GUCY2F: variants seen among roughly 807,000 people sequenced by gnomAD.
GUCY2F encodes guanylate cyclase 2F, retinal.
Under a neutral mutation model 73.1 loss-of-function variants are expected in GUCY2F, and 61 were observed. The observed-to-expected ratio is 0.83, with a 90% CI of 0.68 to 1.03. The LOEUF is 1.03. Among genes scored for constraint, GUCY2F ranks in the 50% least tolerant of loss-of-function variants. The probability of loss-of-function intolerance (pLI) is 0.00; values close to 1 mark genes in which losing one functional copy is unlikely to be tolerated. For missense variants in GUCY2F, 912 were observed against 854.3 expected (o/e 1.07, Z -0.84); for synonymous variants, 331 against 307.8 (o/e 1.08, Z -0.79).
chrX:109,387,071 T>C (rs1194105663), intron 15 of GUCY2F, among the ~76,000 whole-genome samples: 1 of 111,787 alleles, frequency 8.9e-6, no homozygotes, highest in Non-Finnish European at 1.9e-5. Flanking sequence ...AAACACAGAT[T>C]ATGCTGATGA....
chrX:109,417,740 C>T (rs1931278956), intron 8 of GUCY2F, among the ~76,000 whole-genome samples: 2 of 110,222 alleles, frequency 1.8e-5, no homozygotes, highest in African/African-American at 6.6e-5. Flanking sequence ...ATGCCTGCTC[C>T]CTAAATAAGA....
chrX:109,389,424 AG>A (rs1930509586), intron 14 of GUCY2F, among the ~76,000 whole-genome samples: 1 of 112,485 alleles, frequency 8.9e-6, no homozygotes, highest in Non-Finnish European at 1.9e-5. Flanking sequence ...TGCGCCAGTC[AG>A]ACTGTGTTAC....
chrX:109,374,790 G>GGGT (rs1263310141), intron 19 of GUCY2F, among the ~76,000 whole-genome samples: 3 of 112,026 alleles, frequency 2.7e-5, no homozygotes, highest in African/African-American at 9.7e-5. Context: ...GTGAGTCAGA[G>GGGT]GGTGATTCAG....
intron 6 of GUCY2F, 67 bp downstream of exon 6, chrX:109,448,002 G>A: frequency 1.8e-6 from 1 of 571,366 alleles, no homozygotes; most frequent in Admixed American, 2.4e-5. Flanking sequence ...GTCAAGTGCT[G>A]AGTAATTATT....
At chrX:109,474,571 T>C (rs1305703503) in intron 2 of GUCY2F, among the ~76,000 whole-genome samples, 3 of 111,982 alleles carry the variant, frequency 2.7e-5, no homozygotes, top group Admixed American at 1.9e-4. Context: ...AAGCTTCCAT[T>C]GGAAGGGGAA....
At chrX:109,417,960 A>G (rs1931283649) in intron 8 of GUCY2F, among the ~76,000 whole-genome samples, 1 of 99,592 alleles carries the variant, frequency 1.0e-5, no homozygotes, top group Non-Finnish European at 1.9e-5. Context: ...GTGCTGGATC[A>G]TAAGAAGAAT....
chrX:109,442,048 C>A (rs1020797317), intron 6 of GUCY2F, among the ~76,000 whole-genome samples: 6 of 111,095 alleles, frequency 5.4e-5, no homozygotes, highest in Non-Finnish European at 1.1e-4. Context: ...AGAGAGTGAG[C>A]AGATCACATG....
At position 109,395,410 on chromosome X, in the gene GUCY2F, G is replaced by A. The variant is rs1569357447; in HGVS notation, c.2355C>T (p.Leu785=). The part of the protein sequence containing the change: ...VPPEHAPPEC[L]QLMKQCWAEA... Reference sequence around the variant, plus strand: ...CAGCCCAGCACTGCTTCATCAGCTGGAGACATTCTGGAGGGGCATGCTCAG... The same window carrying A: ...CAGCCCAGCACTGCTTCATCAGCTGAAGACATTCTGGAGGGGCATGCTCAG... The change falls in exon 12 of 20, where the codon CTC becomes CTT. Residue 785 remains leucine (L), a synonymous_variant. Transcript: ENST00000218006. The A allele has an allele frequency of 8.3e-7, 1 of 1,200,105 alleles. No homozygotes were observed. Among genetic ancestry groups the A allele is most frequent in the Admixed American group, 2.2e-5 (1 of 46,042 alleles).
chrX:109,385,383 T>A, intron 15 of GUCY2F, 101 bp from the exon 16 acceptor site: 1 of 447,341 alleles, frequency 2.2e-6, no homozygotes, highest in Non-Finnish European at 3.9e-6. Flanking sequence ...TGTAAAAGAA[T>A]AAAAGTTGCC....
At chrX:109,447,507 C>T (rs1391267286) in intron 6 of GUCY2F, among the ~76,000 whole-genome samples, 1 of 108,750 alleles carries the variant, frequency 9.2e-6, no homozygotes, top group Non-Finnish European at 1.9e-5. Flanking sequence ...CCATCATTCT[C>T]GGCAAACTAT....
intron 8 of GUCY2F, among the ~76,000 whole-genome samples, chrX:109,424,410 TA>T (rs1302983114): frequency 1.8e-5 from 2 of 111,486 alleles, no homozygotes; most frequent in Admixed American, 9.5e-5. Context: ...TGCCAGGGGT[TA>T]GGGGGAGAGA....
chrX:109,403,956 T>C (rs1291825513), intron 10 of GUCY2F, among the ~76,000 whole-genome samples: 1 of 112,079 alleles, frequency 8.9e-6, no homozygotes, highest in Non-Finnish European at 1.9e-5. Context: ...GACGTCCCAT[T>C]CTAAAATGTA....
intron 3 of GUCY2F, among the ~76,000 whole-genome samples, chrX:109,461,851 T>C (rs1447432526): frequency 2.7e-5 from 3 of 112,482 alleles, no homozygotes; most frequent in Non-Finnish European, 5.6e-5. Flanking sequence ...TTCAACATAT[T>C]GCCTAGCACA....
At chrX:109,460,765 G>A (rs1451475617) in intron 3 of GUCY2F, among the ~76,000 whole-genome samples, 1 of 111,151 alleles carries the variant, frequency 9.0e-6, no homozygotes, top group African/African-American at 3.3e-5. Flanking sequence ...GCAGCCTTAG[G>A]GAGCAAAATG....
At chrX:109,471,786 C>G (rs761533046) in intron 2 of GUCY2F, among the ~76,000 whole-genome samples, 1 of 112,199 alleles carries the variant, frequency 8.9e-6, no homozygotes, top group East Asian at 2.8e-4. Context: ...CACATATGTA[C>G]TTATTACTGT....
intron 19 of GUCY2F, among the ~76,000 whole-genome samples, chrX:109,375,331 G>A (rs937401000): frequency 5.4e-5 from 6 of 111,578 alleles, no homozygotes; most frequent in Admixed American, 1.9e-4. Flanking sequence ...TCCTAGTAGG[G>A]GAGGAAGGAT....
At chrX:109,394,610 T>C (rs1285455900) in intron 12 of GUCY2F, among the ~76,000 whole-genome samples, 1 of 112,130 alleles carries the variant, frequency 8.9e-6, no homozygotes, top group Non-Finnish European at 1.9e-5. Context: ...AGTTTTGGTG[T>C]CCTGTAATTT....
chrX:109,397,171 G>A (rs1930730014), intron 11 of GUCY2F, among the ~76,000 whole-genome samples: 1 of 111,535 alleles, frequency 9.0e-6, no homozygotes, highest in African/African-American at 3.3e-5. Flanking sequence ...CTCCTAGTAT[G>A]TGAAAAGGCA....
chrX:109,380,501 C>CA (rs11408531), intron 17 of GUCY2F, among the ~76,000 whole-genome samples: 12,925 of 110,515 alleles, frequency 0.12, 1,807 homozygotes, highest in African/African-American at 0.39. Flanking sequence ...TCCTTGTTCC[C>CA]TTGCCCCTTC....
Sources: allele counts gnomAD v4.1 joint callset (sites outside exome capture counted in the v4.1 genomes callset), GRCh38; gene constraint gnomAD v4.1.1; transcripts MANE v1.5; gene names NCBI Gene and HGNC (gene_info 2026-07-23, HGNC 2026-07-21).